Variants in BST1 observed in about 807,000 individuals in gnomAD.
BST1 encodes the protein ADP-ribosyl cyclase/cyclic ADP-ribose hydrolase 2.
Under a neutral mutation model 40.6 loss-of-function variants are expected in BST1, and 49 were observed. That is an observed-to-expected ratio of 1.21 (90% CI 0.96 to 1.53). The LOEUF is 1.53. BST1 is among the 40% of genes most tolerant of loss of function. BST1 has a pLI of 0.00. For missense variants in BST1, 423 were observed against 395.9 expected, an observed-to-expected ratio of 1.07 and a Z score of -0.58; for synonymous variants, 157 against 159.3, an observed-to-expected ratio of 0.99 and a Z score of 0.11.
chr4:15,755,620 C>A, the BST1 span, among the ~76,000 whole-genome samples: 1 of 152,238 alleles, frequency 6.6e-6, no homozygotes, highest in African/African-American at 2.4e-5. Context: ...ATGAATTGAA[C>A]AACTGCATAT....
chr4:15,734,905 G>T (rs899891647), downstream of BST1, among the ~76,000 whole-genome samples: 1 of 152,238 alleles, frequency 6.6e-6, no homozygotes, highest in Non-Finnish European at 1.5e-5. Context: ...GTTAAGGAAA[G>T]AGACTTTGGG....
At chr4:15,745,462 A>T in the BST1 span, among the ~76,000 whole-genome samples, 2 of 152,068 alleles carry the variant, frequency 1.3e-5, no homozygotes, top group Non-Finnish European at 2.9e-5. Flanking sequence ...TTCATTTTGC[A>T]TTGCCCCCAA....
chr4:15,725,336 G>T (rs558920523), intron 8 of BST1, among the ~76,000 whole-genome samples: 1 of 152,264 alleles, frequency 6.6e-6, no homozygotes, highest in Non-Finnish European at 1.5e-5. Flanking sequence ...ATCATCTCCA[G>T]CATGTATTCT....
At chr4:15,737,946 G>A (rs551916637) in exon 7 of BST1, 1 of 503,152 alleles carries the variant, frequency 2.0e-6, no homozygotes, top group South Asian at 1.7e-5. Context: ...CCACATGAAT[G>A]CTCTCCACAA....
the BST1 span, among the ~76,000 whole-genome samples, chr4:15,745,467 C>T: frequency 6.6e-6 from 1 of 152,012 alleles, no homozygotes; most frequent in Admixed American, 6.5e-5. Context: ...TTTGCATTGC[C>T]CCCAAAATTA....
At chr4:15,742,414 T>C (rs1721769533), downstream of BST1, among the ~76,000 whole-genome samples, 1 of 152,226 alleles carries the variant, frequency 6.6e-6, no homozygotes, top group African/African-American at 2.4e-5. Flanking sequence ...TCTCTTTGCA[T>C]ACTTTGGCTC....
intron 1 of BST1, among the ~76,000 whole-genome samples, chr4:15,703,932 T>C (rs1254046036): frequency 3.6e-5 from 5 of 138,626 alleles, no homozygotes; most frequent in Non-Finnish European, 7.7e-5. Flanking sequence ...GTGTGTATTC[T>C]AGAGGTGAGG....
intron 1 of BST1, among the ~76,000 whole-genome samples, chr4:15,704,724 T>G (rs555899843): frequency 1.3e-5 from 2 of 152,220 alleles, no homozygotes; most frequent in African/African-American, 4.8e-5. Flanking sequence ...GAATGTGATC[T>G]CAGGTTGGAA....
the BST1 span, among the ~76,000 whole-genome samples, chr4:15,762,534 A>G: frequency 1.3e-5 from 2 of 152,188 alleles, no homozygotes; most frequent in South Asian, 4.1e-4. Flanking sequence ...CCCATGTTGT[A>G]TATTAGATTC....
At chr4:15,762,400 G>A in the BST1 span, among the ~76,000 whole-genome samples, 1 of 151,464 alleles carries the variant, frequency 6.6e-6, no homozygotes, top group African/African-American at 2.4e-5. Context: ...AAGCTTATTT[G>A]TAATTGTTTA....
intron 3 of BST1, among the ~76,000 whole-genome samples, 163 bp downstream of exon 3, chr4:15,707,809 T>C: frequency 6.6e-6 from 1 of 150,832 alleles, no homozygotes; most frequent in Middle Eastern, 3.2e-3. Flanking sequence ...AGAGAATACT[T>C]AACTTTGCAG....
chr4:15,747,577 C>T, the BST1 span, among the ~76,000 whole-genome samples: 4 of 152,186 alleles, frequency 2.6e-5, no homozygotes, highest in East Asian at 1.9e-4. Context: ...ACATTGTCAG[C>T]GAGCTGTGTT....
intron 8 of BST1, among the ~76,000 whole-genome samples, chr4:15,729,412 A>C (rs1721273657): frequency 6.6e-6 from 1 of 152,182 alleles, no homozygotes; most frequent in Non-Finnish European, 1.5e-5. Context: ...AGCTGTAGTC[A>C]TGCCACTGCA....
the BST1 span, among the ~76,000 whole-genome samples, chr4:15,754,487 C>A: frequency 6.6e-6 from 1 of 152,270 alleles, no homozygotes; most frequent in South Asian, 2.1e-4. Context: ...GAACTCAGTG[C>A]CCCTGGGTGG....
At position 15,715,770 on chromosome 4, in the gene BST1, G is replaced by C. The variant is rs1169141912; in HGVS notation, c.675G>C (p.Trp225Cys). The C allele has an allele frequency of 6.3e-7, 1 of 1,595,782 alleles. No homozygotes were observed. The highest frequency in any genetic ancestry group is 2.3e-5 in the East Asian group (1 of 44,420). ...AAAAAATTACACGAATCGAGATCTGGGTTATGCATGAAATTGGGGGACCCA... is the reference window on the plus strand; with the variant it reads ...AAAAAATTACACGAATCGAGATCTGCGTTATGCATGAAATTGGGGGACCCA... ...QKEKITRIEI[W>C]VMHEIGGPNV... The change falls in exon 6 of 9, where the codon TGG becomes TGC. Residue 225 changes from tryptophan (W) to cysteine (C), a missense_variant. By Grantham distance (215) the Trp-to-Cys change is radical. Coordinates refer to ENST00000265016, the MANE Select transcript of BST1 (RefSeq NM_004334.3).
chr4:15,769,848 GTT>G, the BST1 span, among the ~76,000 whole-genome samples: 60 of 148,256 alleles, frequency 4.0e-4, no homozygotes, highest in Middle Eastern at 3.5e-3. Flanking sequence ...GTAGTTTTTT[GTT>G]TTTTTTTTAA....
the BST1 span, among the ~76,000 whole-genome samples, chr4:15,773,416 A>T: frequency 1.3e-5 from 2 of 152,208 alleles, no homozygotes; most frequent in African/African-American, 4.8e-5. Context: ...CTCAAATGCA[A>T]ATGTTGTCTT....
the BST1 span, among the ~76,000 whole-genome samples, chr4:15,760,257 A>G: frequency 7.7e-6 from 1 of 130,578 alleles, no homozygotes; most frequent in Non-Finnish European, 1.6e-5. Context: ...ATGCGTTAGC[A>G]TTTCATTTTT....
chr4:15,713,251 TC>T (rs1720319069), intron 4 of BST1, among the ~76,000 whole-genome samples: 1 of 142,694 alleles, frequency 7.0e-6, no homozygotes, highest in Non-Finnish European at 1.5e-5. Context: ...GCTCTGTCGA[TC>T]TTGGCTCACT....
Sources: gnomAD v4.1 joint callset for allele counts (sites outside exome capture counted in the v4.1 genomes callset) on GRCh38, gnomAD v4.1.1 for gene constraint, MANE v1.5 for transcripts, NCBI Gene and HGNC (gene_info 2026-07-23, HGNC 2026-07-21) for gene names.